The following DYM variants were observed in gnomAD, a reference collection of about 807,000 sequenced individuals.
DYM encodes dymeclin.
DYM carries 78 observed loss-of-function variants against 93.1 expected under a neutral mutation model. The ratio of observed to expected loss-of-function variants is 0.84; its 90% confidence interval spans 0.70 to 1.01. DYM has a LOEUF of 1.01. Ranked by LOEUF, DYM falls within the 50% of genes least tolerant of loss-of-function variation. The pLI is 0.00. For synonymous variants in DYM, 321 were observed against 319.7 expected (o/e 1.00, Z -0.04); for missense variants, 789 against 845.0 (o/e 0.93, Z 0.82).
chr18:49,234,729 T>C (rs2093809640), intron 13 of DYM, among the ~76,000 whole-genome samples: 1 of 152,156 alleles, frequency 6.6e-6, no homozygotes, highest in Non-Finnish European at 1.5e-5. Flanking sequence ...ATAATTAAGA[T>C]TATTGTCCTT....
intron 8 of DYM, among the ~76,000 whole-genome samples, chr18:49,302,443 G>C (rs1433649935): frequency 2.6e-5 from 4 of 152,030 alleles, no homozygotes; most frequent in African/African-American, 4.8e-5. Context: ...TTTTATCCTT[G>C]GAAAAATGTC....
chr18:49,306,996 A>T (rs755935955), intron 8 of DYM, among the ~76,000 whole-genome samples: 4 of 152,032 alleles, frequency 2.6e-5, no homozygotes, highest in Non-Finnish European at 4.4e-5. Context: ...TCTGCTTGTT[A>T]TGAAGTTCTG....
At chr18:49,406,284 G>T (rs554353462) in intron 2 of DYM, among the ~76,000 whole-genome samples, 2 of 152,236 alleles carry the variant, frequency 1.3e-5, no homozygotes, top group African/African-American at 4.8e-5. Context: ...CTTTGGATGT[G>T]CATGGTGGCT....
intron 5 of DYM, among the ~76,000 whole-genome samples, chr18:49,373,682 A>G (rs1406186529): frequency 6.6e-6 from 1 of 152,220 alleles, no homozygotes; most frequent in Non-Finnish European, 1.5e-5. Context: ...GCTCCTATTC[A>G]AGATGGAGTT....
chr18:49,163,767 T>A lies in DYM; in HGVS notation c.1646A>T (p.Lys549Ile). 2 of 1,610,872 alleles carry A rather than the reference T, an allele frequency of 1.2e-6. No individual in the cohort carries two copies. Among genetic ancestry groups the A allele is most frequent in the Non-Finnish European group, 1.7e-6 (2 of 1,178,098 alleles). ...TTGTTCCAGAACTTTGTTGTGTTTT[T>A]TAGACAGCAAAGAAAATAAACTGGA... The part of the protein sequence containing the change: ...YASSLFSLLS[K>I]KHNKVLEQAT... Residue 549 changes from lysine to isoleucine, a missense_variant, in exon 15 of 18, where the codon AAA becomes ATA. This residue lies in a region of DYM where 225 missense variants were observed against 303.0 expected (regional missense o/e 0.74). Coordinates refer to ENST00000675505, the MANE Select transcript of DYM (RefSeq NM_001353214.3).
chr18:49,109,087 C>G (rs2081157921), intron 16 of DYM, among the ~76,000 whole-genome samples: 1 of 151,532 alleles, frequency 6.6e-6, no homozygotes, highest in Non-Finnish European at 1.5e-5. Flanking sequence ...TGCTTTTAAC[C>G]AATCTATTTC....
At chr18:49,086,603 C>T (rs562261164) in intron 17 of DYM, among the ~76,000 whole-genome samples, 4 of 152,254 alleles carry the variant, frequency 2.6e-5, no homozygotes, top group African/African-American at 9.6e-5. Context: ...ATGTGGAATC[C>T]TAATCTCCAG....
chr18:49,326,591 A>G (rs1197150693), intron 8 of DYM, among the ~76,000 whole-genome samples: 1 of 152,176 alleles, frequency 6.6e-6, no homozygotes, highest in Admixed American at 6.5e-5. Context: ...ATTCTGATTG[A>G]ATGCCAACCA....
chr18:49,325,407 A>G (rs1421951065), intron 8 of DYM, among the ~76,000 whole-genome samples: 1 of 152,242 alleles, frequency 6.6e-6, no homozygotes, highest in African/African-American at 2.4e-5. Context: ...TGCTCTCCAC[A>G]CAAGAATTAA....
At chr18:49,182,936 C>T (rs1227167819) in intron 14 of DYM, among the ~76,000 whole-genome samples, 2 of 152,172 alleles carry the variant, frequency 1.3e-5, no homozygotes, top group Admixed American at 1.3e-4. Context: ...GTTACTCTAT[C>T]TTGGTTGGAA....
intron 15 of DYM, among the ~76,000 whole-genome samples, chr18:49,144,389 G>A (rs187069288): frequency 1.4e-4 from 22 of 152,098 alleles, no homozygotes; most frequent in African/African-American, 2.7e-4. Flanking sequence ...CCCTCTTTAC[G>A]TAAGTTTGCA....
intron 8 of DYM, among the ~76,000 whole-genome samples, chr18:49,318,025 C>G (rs1411778312): frequency 6.6e-6 from 1 of 152,050 alleles, no homozygotes; most frequent in Non-Finnish European, 1.5e-5. Flanking sequence ...TCTACATAGA[C>G]CCTACCATCT....
At chr18:49,327,031 GTGT>G (rs1363234670) in intron 8 of DYM, among the ~76,000 whole-genome samples, 1 of 122,222 alleles carries the variant, frequency 8.2e-6, no homozygotes, top group Non-Finnish European at 1.7e-5. Context: ...GTGTGTGTGT[GTGT>G]GTGGTGGGGG....
chr18:49,298,146 T>C (rs2146105107), intron 8 of DYM, among the ~76,000 whole-genome samples: 1 of 145,524 alleles, frequency 6.9e-6, no homozygotes. Context: ...CAAAACACGA[T>C]ATTACTAACC....
chr18:49,335,242 T>C (rs9635952), intron 6 of DYM, among the ~76,000 whole-genome samples: 18,366 of 152,264 alleles, frequency 0.12, 1,651 homozygotes, highest in East Asian at 0.33. Flanking sequence ...AATCTGACTT[T>C]TAAAGTATTG....
rs529347351 is a variant in DYM at position 49,401,569 on chromosome 18, C to A, written c.141-9924G>T. On this transcript the variant is annotated intron_variant, in intron 2 of 17. Coordinates refer to ENST00000675505, the MANE Select transcript of DYM (RefSeq NM_001353214.3). The stretch of plus-strand genomic sequence containing the variant: ...GTTTTGCTGGTGACATCACAATAAA[C>A]AATTACTAAGGGATTGGAGAACTAT... Among the ~76,000 whole-genome samples the A allele has an allele frequency of 2.6e-5, 4 of 152,206 alleles. No homozygotes were observed. In the South Asian group the frequency reaches 8.3e-4, roughly 32 times the overall value.
At chr18:49,279,371 T>A (rs1250919770) in intron 10 of DYM, among the ~76,000 whole-genome samples, 1 of 152,204 alleles carries the variant, frequency 6.6e-6, no homozygotes, top group Non-Finnish European at 1.5e-5. Flanking sequence ...ATAAAAGAAT[T>A]GATAACTACA....
At chr18:49,128,408 C>G (rs1224770607) in intron 15 of DYM, among the ~76,000 whole-genome samples, 1 of 152,016 alleles carries the variant, frequency 6.6e-6, no homozygotes, top group Admixed American at 6.6e-5. Context: ...AAAAGAAATC[C>G]CTTTCCACAG....
intron 14 of DYM, among the ~76,000 whole-genome samples, chr18:49,165,126 T>C (rs1305523513): frequency 6.6e-6 from 1 of 152,148 alleles, no homozygotes; most frequent in Admixed American, 6.6e-5. Context: ...GGAATGGCCA[T>C]GTTAATTTCC....
Sources: allele counts gnomAD v4.1 joint callset (sites outside exome capture counted in the v4.1 genomes callset), GRCh38; gene constraint gnomAD v4.1.1; regional missense constraint gnomAD v4.1.1; transcripts MANE v1.5; gene names NCBI Gene and HGNC (gene_info 2026-07-23, HGNC 2026-07-21).